The following SPON1 variants were observed in gnomAD, a reference collection of about 807,000 sequenced individuals.
The protein encoded by SPON1 is spondin-1.
A neutral mutation model predicts 111.7 loss-of-function variants in SPON1; 52 were observed. The observed-to-expected ratio is 0.47, with a 90% CI of 0.37 to 0.59. The LOEUF is 0.59. SPON1 is among the 20% of genes least tolerant of loss of function. The pLI, the probability that SPON1 is intolerant of heterozygous loss-of-function variation, is 0.00. For missense variants in SPON1, 957 were observed against 1,068.5 expected, an observed-to-expected ratio of 0.90 and a Z score of 1.46; for synonymous variants, 410 against 395.8, an observed-to-expected ratio of 1.04 and a Z score of -0.43.
At chr11:14,003,632 TGAAGGGAC>T (rs1554912734) in intron 2 of SPON1, among the ~76,000 whole-genome samples, 17 of 152,240 alleles carry the variant, frequency 1.1e-4, no homozygotes, top group African/African-American at 3.9e-4. Flanking sequence ...GCGGGAGAGC[TGAAGGGAC>T]CTACATAAGC....
chr11:14,196,884 T>C (rs1387655113), intron 6 of SPON1, among the ~76,000 whole-genome samples: 1 of 152,184 alleles, frequency 6.6e-6, no homozygotes, highest in Non-Finnish European at 1.5e-5. Flanking sequence ...ACTCTGTCTC[T>C]ACTAAAAATA....
chr11:14,178,002 C>A (rs923962403), intron 6 of SPON1, among the ~76,000 whole-genome samples: 16 of 151,424 alleles, frequency 1.1e-4, no homozygotes, highest in African/African-American at 3.9e-4. Flanking sequence ...TACATTAAAT[C>A]CAAGATTCTC....
intron 1 of SPON1, among the ~76,000 whole-genome samples, chr11:13,976,287 C>A (rs1848103145): frequency 6.6e-6 from 1 of 151,986 alleles, no homozygotes; most frequent in Non-Finnish European, 1.5e-5. Context: ...TCAGGGGAGG[C>A]AATTGGGAGG....
At chr11:14,263,502 T>C (rs1849215555) in intron 15 of SPON1, among the ~76,000 whole-genome samples, 1 of 144,834 alleles carries the variant, frequency 6.9e-6, no homozygotes, top group South Asian at 2.1e-4. Flanking sequence ...GACTTTATGA[T>C]TTTTTTTTGC....
intron 6 of SPON1, among the ~76,000 whole-genome samples, chr11:14,207,698 A>C (rs1165157818): frequency 3.3e-5 from 5 of 152,210 alleles, no homozygotes; most frequent in Non-Finnish European, 1.5e-5. Context: ...CTATTATTAA[A>C]AAGTCAAAAC....
intron 2 of SPON1, among the ~76,000 whole-genome samples, chr11:13,990,469 G>C (rs1848220785): frequency 7.7e-6 from 1 of 130,622 alleles, no homozygotes; most frequent in East Asian, 2.6e-4. Flanking sequence ...GTGTGTCTTT[G>C]CATGTTAGAT....
chr11:14,134,604 A>C (rs895532162), intron 5 of SPON1, among the ~76,000 whole-genome samples: 1 of 152,240 alleles, frequency 6.6e-6, no homozygotes, highest in Non-Finnish European at 1.5e-5. Flanking sequence ...ATGTACATAG[A>C]AGTCAGCTGA....
intron 2 of SPON1, among the ~76,000 whole-genome samples, chr11:14,039,579 T>TA (rs1254044880): frequency 2.0e-5 from 3 of 152,084 alleles, no homozygotes; most frequent in African/African-American, 7.2e-5. Flanking sequence ...TCTATCATAT[T>TA]AAAAAATAAA....
intron 3 of SPON1, among the ~76,000 whole-genome samples, chr11:14,071,814 C>T (rs1238216384): frequency 7.9e-5 from 12 of 151,984 alleles, no homozygotes; most frequent in South Asian, 4.2e-4. Context: ...TGGGTTCAAG[C>T]GATTCTCCTG....
intron 6 of SPON1, among the ~76,000 whole-genome samples, chr11:14,242,512 G>A (rs1554939789): frequency 6.6e-6 from 1 of 152,190 alleles, no homozygotes; most frequent in East Asian, 1.9e-4. Context: ...CCCCCCACCA[G>A]AGCTGAACTT....
intron 5 of SPON1, among the ~76,000 whole-genome samples, chr11:14,086,616 T>C (rs1849008659): frequency 6.6e-6 from 1 of 152,170 alleles, no homozygotes; most frequent in African/African-American, 2.4e-5. Context: ...TCTTTTTTTG[T>C]TGTGTCTCTG....
At chr11:14,101,147 C>T (rs1849140660) in intron 5 of SPON1, among the ~76,000 whole-genome samples, 1 of 150,500 alleles carries the variant, frequency 6.6e-6, no homozygotes, top group Non-Finnish European at 1.5e-5. Flanking sequence ...TGCCTGTAAT[C>T]CCAGTGCTTT....
At position 14,259,492 on chromosome 11, in the gene SPON1, G is replaced by A. The variant is rs1215365577; in HGVS notation, c.1663+42G>A. 1.7e-5 allele frequency: 27 copies of A among 1,578,782 alleles called. No homozygotes were observed. Among genetic ancestry groups the A allele is most frequent in the Non-Finnish European group, 2.2e-5 (25 of 1,162,550 alleles). ...GGCGGGCAGGCGGGCAAGTAGGTCG[G>A]GGAGGCAGCAGGTGCGACTCCAATG... On this transcript the variant is annotated intron_variant, in intron 12 of 15. Transcript: ENST00000576479. This position sits in a 1 kb window ranked among gnomAD's most constrained non-coding sequence, Gnocchi z 5.0.
chr11:14,138,373 A>C (rs1466173391), intron 6 of SPON1, among the ~76,000 whole-genome samples: 4 of 151,844 alleles, frequency 2.6e-5, no homozygotes, highest in African/African-American at 7.3e-5. Context: ...ACAGTATATT[A>C]ATAATAATAC....
intron 3 of SPON1, among the ~76,000 whole-genome samples, chr11:14,053,752 A>G (rs1848724634): frequency 1.3e-5 from 2 of 152,228 alleles, no homozygotes; most frequent in African/African-American, 4.8e-5. Flanking sequence ...GGACAAAGAA[A>G]TGGTTTTACA....
At chr11:14,181,260 A>T (rs1466145629) in intron 6 of SPON1, among the ~76,000 whole-genome samples, 1 of 152,150 alleles carries the variant, frequency 6.6e-6, no homozygotes, top group Non-Finnish European at 1.5e-5. Context: ...CTACAAAGAG[A>T]TGAAATATAT....
intron 6 of SPON1, among the ~76,000 whole-genome samples, chr11:14,159,192 C>T (rs1847883045): frequency 6.6e-6 from 1 of 151,938 alleles, no homozygotes; most frequent in Non-Finnish European, 1.5e-5. Context: ...GAATTGATGC[C>T]ACTTTTTTCT....
intron 3 of SPON1, among the ~76,000 whole-genome samples, chr11:14,059,752 G>T (rs1848776204): frequency 6.6e-6 from 1 of 152,166 alleles, no homozygotes; most frequent in Admixed American, 6.5e-5. Context: ...AGCAGCCGCT[G>T]CCACAGTCAT....
chr11:14,087,183 C>G (rs968698710), intron 5 of SPON1, among the ~76,000 whole-genome samples: 2 of 152,002 alleles, frequency 1.3e-5, no homozygotes, highest in African/African-American at 4.8e-5. Context: ...TTGTCTTCTG[C>G]TAGCTTTTGA....
Sources: gnomAD v4.1 joint callset for allele counts (sites outside exome capture counted in the v4.1 genomes callset) on GRCh38, gnomAD v4.1.1 for gene constraint, Gnocchi (gnomAD v3.1) non-coding constraint, MANE v1.5 for transcripts, NCBI Gene and HGNC (gene_info 2026-07-23, HGNC 2026-07-21) for gene names.